IMMP2L: variants seen among roughly 807,000 people sequenced by gnomAD.
IMMP2L encodes inner mitochondrial membrane peptidase subunit 2, also known as mitochondrial inner membrane protease subunit 2.
In IMMP2L, 18 loss-of-function variants were observed where a neutral mutation model predicts 19.3. That is an observed-to-expected ratio of 0.93 (90% CI 0.64 to 1.38). The LOEUF (loss-of-function observed/expected upper bound fraction) is 1.38, where lower values mean the gene tolerates loss of function less well. Ranked by LOEUF, IMMP2L falls within the 40% of genes most tolerant of loss-of-function variation. The pLI is 0.00. For synonymous variants in IMMP2L, 76 were observed against 73.0 expected (o/e 1.04, Z -0.21); for missense variants, 233 against 218.2 (o/e 1.07, Z -0.43).
chr7:111,146,273 G>A (rs1447768103), intron 3 of IMMP2L, among the ~76,000 whole-genome samples: 1 of 148,248 alleles, frequency 6.7e-6, no homozygotes, highest in African/African-American at 2.5e-5. Flanking sequence ...AAGGGAGGGA[G>A]GGAGGGAAGA....
chr7:111,061,844 A>C (rs933323635), intron 3 of IMMP2L, among the ~76,000 whole-genome samples: 3 of 152,190 alleles, frequency 2.0e-5, no homozygotes, highest in Admixed American at 6.5e-5. Context: ...ATTAAAATCT[A>C]TGTTCTTCTT....
chr7:111,400,007 C>G (rs1319646280), intron 3 of IMMP2L, among the ~76,000 whole-genome samples: 2 of 151,844 alleles, frequency 1.3e-5, no homozygotes, highest in African/African-American at 4.8e-5. Flanking sequence ...AAGATTTGCC[C>G]CAGAAGTCTT....
chr7:111,230,632 T>C (rs895771819), intron 3 of IMMP2L, among the ~76,000 whole-genome samples: 57 of 152,152 alleles, frequency 3.7e-4, no homozygotes, highest in African/African-American at 1.3e-3. Flanking sequence ...TTCCACCAAA[T>C]ATTTTTCCAC....
At chr7:111,357,367 C>A (rs1054901927) in intron 3 of IMMP2L, among the ~76,000 whole-genome samples, 2 of 152,144 alleles carry the variant, frequency 1.3e-5, no homozygotes, top group Non-Finnish European at 2.9e-5. Flanking sequence ...CACCACACAG[C>A]ATGAGGTATA....
At chr7:110,970,739 C>T (rs1820061508) in intron 3 of IMMP2L, among the ~76,000 whole-genome samples, 1 of 152,114 alleles carries the variant, frequency 6.6e-6, no homozygotes, top group Non-Finnish European at 1.5e-5. Context: ...TCCCCTTAGT[C>T]AAGCTAGGTT....
chr7:111,141,717 G>A (rs1205880825), intron 3 of IMMP2L, among the ~76,000 whole-genome samples: 3 of 151,846 alleles, frequency 2.0e-5, no homozygotes. Context: ...TTAACCAGGA[G>A]CTAGAGATGT....
chr7:111,445,344 A>T (rs1838226550), intron 3 of IMMP2L, among the ~76,000 whole-genome samples: 1 of 151,990 alleles, frequency 6.6e-6, no homozygotes, highest in Admixed American at 6.6e-5. Flanking sequence ...AAAACATCTT[A>T]CCATCTTTAC....
intron 3 of IMMP2L, among the ~76,000 whole-genome samples, chr7:111,202,577 A>C (rs1810260162): frequency 6.6e-6 from 1 of 152,190 alleles, no homozygotes; most frequent in African/African-American, 2.4e-5. Flanking sequence ...GCTGCACTCT[A>C]ATGATCGACA....
intron 3 of IMMP2L, among the ~76,000 whole-genome samples, chr7:111,421,222 GT>G (rs1276544457): frequency 6.9e-6 from 1 of 144,402 alleles, no homozygotes; most frequent in Non-Finnish European, 1.5e-5. Flanking sequence ...AGAAGTGTCT[GT>G]TTATATCCTT....
chr7:111,173,696 G>A (rs1286977484), intron 3 of IMMP2L, among the ~76,000 whole-genome samples: 3 of 151,566 alleles, frequency 2.0e-5, no homozygotes, highest in Non-Finnish European at 4.4e-5. Context: ...TAAAACAGCA[G>A]ATATAATCTT....
intron 3 of IMMP2L, among the ~76,000 whole-genome samples, chr7:111,209,046 A>G (rs1479518980): frequency 6.6e-6 from 1 of 152,182 alleles, no homozygotes; most frequent in African/African-American, 2.4e-5. Context: ...ATGACAACTT[A>G]GAGAGCACAA....
intron 3 of IMMP2L, among the ~76,000 whole-genome samples, chr7:111,311,566 T>A (rs1823520356): frequency 6.6e-6 from 1 of 152,136 alleles, no homozygotes; most frequent in South Asian, 2.1e-4. Context: ...TTTTGGTATG[T>A]ATTTGTAGCA....
At chr7:110,695,649 G>A (rs1417798038) in intron 5 of IMMP2L, among the ~76,000 whole-genome samples, 2 of 152,174 alleles carry the variant, frequency 1.3e-5, no homozygotes, top group Non-Finnish European at 2.9e-5. Context: ...GGAGGGAGCG[G>A]CAGTCCCTGA....
At chr7:110,694,611 T>C (rs1030797674) in intron 5 of IMMP2L, among the ~76,000 whole-genome samples, 16 of 152,076 alleles carry the variant, frequency 1.1e-4, no homozygotes, top group African/African-American at 3.6e-4. Flanking sequence ...GACTGAGGCA[T>C]AGTGAAACAG....
chr7:110,829,789 T>C (rs1005409249), intron 5 of IMMP2L, among the ~76,000 whole-genome samples: 2 of 152,148 alleles, frequency 1.3e-5, no homozygotes, highest in Non-Finnish European at 2.9e-5. Context: ...TATGTATAAT[T>C]AACTTCATCT....
chr7:111,039,648 G>GT (rs909981106), intron 3 of IMMP2L, among the ~76,000 whole-genome samples: 10 of 152,176 alleles, frequency 6.6e-5, no homozygotes, highest in Admixed American at 5.2e-4. Context: ...CATGGTAGTG[G>GT]TTTTTTTAAA....
At chr7:111,276,640 C>CAAAAAAAAAA (rs1562997852) in intron 3 of IMMP2L, among the ~76,000 whole-genome samples, 2 of 105,908 alleles carry the variant, frequency 1.9e-5, no homozygotes, top group Non-Finnish European at 3.9e-5. Flanking sequence ...CATGTGGAAC[C>CAAAAAAAAAA]GAAAAAAAAA....
intron 5 of IMMP2L, among the ~76,000 whole-genome samples, chr7:110,836,490 C>G (rs560618699): frequency 6.6e-6 from 1 of 152,112 alleles, no homozygotes. Context: ...TCTGTACAAG[C>G]TCTCTTCTCT....
At chr7:110,986,789 T>C (rs1015038974) in intron 3 of IMMP2L, among the ~76,000 whole-genome samples, 1 of 150,364 alleles carries the variant, frequency 6.7e-6, no homozygotes, top group African/African-American at 2.5e-5. Flanking sequence ...ACACTATCAC[T>C]AGGGTGGATT....
Sources: gnomAD v4.1 joint callset for allele counts (sites outside exome capture counted in the v4.1 genomes callset) on GRCh38, gnomAD v4.1.1 for gene constraint, MANE v1.5 for transcripts, NCBI Gene and HGNC (gene_info 2026-07-23, HGNC 2026-07-21) for gene names.